PRDM16: variants seen among roughly 807,000 people sequenced by gnomAD.
The protein encoded by PRDM16 is PR/SET domain 16.
In PRDM16, 23 loss-of-function variants were observed where a neutral mutation model predicts 110.6. That is an observed-to-expected ratio of 0.21 (90% confidence interval 0.15 to 0.29). The LOEUF is 0.29. PRDM16 is among the 10% of genes least tolerant of loss of function. The pLI, the probability that PRDM16 is intolerant of heterozygous loss-of-function variation, is 1.00. For synonymous variants in PRDM16, 799 were observed against 781.8 expected (o/e 1.02, Z -0.37); for missense variants, 1,615 against 1,794.3 (o/e 0.90, Z 1.81).
At chr1:3,380,046 C>T (rs1643075075) in intron 3 of PRDM16, among the ~76,000 whole-genome samples, 1 of 145,564 alleles carries the variant, frequency 6.9e-6, no homozygotes, top group Admixed American at 6.8e-5. Context: ...CCTCCCAACA[C>T]ATTCATCCCA....
intron 12 of PRDM16, among the ~76,000 whole-genome samples, chr1:3,422,020 GCAGA>G (rs1034931528): frequency 5.3e-5 from 8 of 150,474 alleles, no homozygotes; most frequent in South Asian, 2.1e-4. Flanking sequence ...AGGCAGGAAG[GCAGA>G]CAGACAGGTA....
rs1200078453 is a variant in PRDM16, at chr1:3,245,719, CT to C, written c.438+1585del. Among the ~76,000 whole-genome samples the C allele has an allele frequency of 6.7e-6, 1 of 148,220 alleles. No individual in the cohort carries two copies. Among genetic ancestry groups the C allele is most frequent in the Non-Finnish European group, 1.5e-5 (1 of 67,452 alleles). Reference sequence around the variant, plus strand: ...TTTCCCTCTTTCTCCTTTCCTGCCTCTTTAAATGAGTTCACATTTTCTTAAA... The same window carrying C: ...TTTCCCTCTTTCTCCTTTCCTGCCTCTTAAATGAGTTCACATTTTCTTAAA... On this transcript the variant is annotated intron_variant, in intron 3 of 16. Transcript: ENST00000270722. This position sits in a 1 kb window ranked among gnomAD's most constrained non-coding sequence, Gnocchi z 4.7.
chr1:3,275,752 G>A (rs1640568591), intron 3 of PRDM16, among the ~76,000 whole-genome samples: 1 of 152,150 alleles, frequency 6.6e-6, no homozygotes, highest in African/African-American at 2.4e-5. Context: ...AGGGTGACGT[G>A]AGAACCACCA....
At chr1:3,386,648 C>G (rs1643205682) in intron 4 of PRDM16, 1 of 152,158 alleles carries the variant, frequency 6.6e-6, no homozygotes. Context: ...AAGAGCAGAA[C>G]TTAAAAAAAT....
At chr1:3,139,212 G>T (rs955683433) in intron 1 of PRDM16, among the ~76,000 whole-genome samples, 6 of 152,292 alleles carry the variant, frequency 3.9e-5, no homozygotes, top group Admixed American at 2.6e-4. Flanking sequence ...GCTCCACTTG[G>T]TGCCACCGGG....
intron 3 of PRDM16, among the ~76,000 whole-genome samples, chr1:3,349,653 G>A (rs928804043): frequency 1.2e-4 from 18 of 152,312 alleles, no homozygotes; most frequent in Non-Finnish European, 2.4e-4. Context: ...AGGGCCGCCC[G>A]TGAAAGCCAG....
At chr1:3,144,464 G>A (rs1350951911) in intron 1 of PRDM16, among the ~76,000 whole-genome samples, 2 of 152,152 alleles carry the variant, frequency 1.3e-5, no homozygotes, top group African/African-American at 4.8e-5. Flanking sequence ...GTCCCAGGCA[G>A]GGCGTATCCA....
Position 3,412,290 on chromosome 1 carries a change from C to T in PRDM16, c.2093C>T (p.Ser698Phe). The change falls in exon 9 of 17, where the codon TCC becomes TTC. Residue 698 changes from serine to phenylalanine, a missense_variant. Around this residue, in one of 5 missense-constraint regions of PRDM16, gnomAD observed 772 missense variants for 748.3 expected, o/e 1.03. Transcript: ENST00000270722. ...AAGDSIKAIA[S>F]IAEKYFGPGF... ...GGGGACTCCATCAAGGCCATCGCAT[C>T]CATTGCCGAGAAGTACTTTGGCCCC... 1 of 1,613,738 alleles carries T rather than the reference C, an allele frequency of 6.2e-7. No homozygotes were observed. The highest frequency in any genetic ancestry group is 8.5e-7 in the Non-Finnish European group (1 of 1,180,036).
chr1:3,212,617 G>GTGGTCCTCCCGCTC (rs1557532575), intron 2 of PRDM16, among the ~76,000 whole-genome samples: 2 of 145,960 alleles, frequency 1.4e-5, no homozygotes, highest in African/African-American at 5.1e-5. Context: ...CCCCCTCGCT[G>GTGGTCCTCCCGCTC]AGGTCCTCCC....
chr1:3,407,842 G>A (rs564884114), intron 8 of PRDM16, among the ~76,000 whole-genome samples: 129 of 152,324 alleles, frequency 8.5e-4, no homozygotes, highest in African/African-American at 3.0e-3. Context: ...GCCCCGCCTC[G>A]GCGACTCTTG....
chr1:3,396,609 CA>C lies in PRDM16; in HGVS notation c.676+19del. The C allele has an allele frequency of 7.3e-7, 1 of 1,361,910 alleles. No individual in the cohort carries two copies. The highest frequency in any genetic ancestry group is 1.0e-6 in the Non-Finnish European group (1 of 981,654). 84.4% of individuals were successfully genotyped at this position (1,361,910 alleles called of 1,614,324 possible). A position where few individuals can be genotyped will look rare whatever the true frequency, so the allele number is the denominator to read the frequency against. Reference sequence around the variant, plus strand: ...GGCCTGGACGGTAAGACCCCTCCCCCAAACCGGGCCACGGCCCCTGGGAGCC... The same window carrying C: ...GGCCTGGACGGTAAGACCCCTCCCCCAACCGGGCCACGGCCCCTGGGAGCC... On this transcript the variant is annotated intron_variant, in intron 5 of 16. Transcript: ENST00000270722.
At chr1:3,086,132 C>T (rs201807315) in intron 1 of PRDM16, among the ~76,000 whole-genome samples, 2 of 104,576 alleles carry the variant, frequency 1.9e-5, no homozygotes, top group African/African-American at 7.3e-5. Flanking sequence ...AGGTCTCTGT[C>T]TACACACTCC....
intron 1 of PRDM16, among the ~76,000 whole-genome samples, chr1:3,185,192 G>T (rs1256039391): frequency 6.6e-6 from 1 of 152,096 alleles, no homozygotes; most frequent in Non-Finnish European, 1.5e-5. Context: ...GGTGCCTCAG[G>T]CTACAATCTG....
At chr1:3,341,828 C>T (rs971366956) in intron 3 of PRDM16, among the ~76,000 whole-genome samples, 2 of 152,262 alleles carry the variant, frequency 1.3e-5, no homozygotes, top group Non-Finnish European at 1.5e-5. Flanking sequence ...TGTGGCCAGA[C>T]GGTGTTGCCT....
At chr1:3,187,754 T>C (rs1227547313) in intron 2 of PRDM16, among the ~76,000 whole-genome samples, 2 of 152,144 alleles carry the variant, frequency 1.3e-5, no homozygotes, top group Non-Finnish European at 2.9e-5. Flanking sequence ...CACAGAGTCC[T>C]GTGTGGCTCC....
rs541054251 is a variant in PRDM16 at position 3,178,120 on chromosome 1, TC to T, written c.38-8000del. 2.4e-3 allele frequency among the ~76,000 whole-genome samples: 360 copies of T among 152,060 alleles called. 3 individuals are homozygous for T. Among genetic ancestry groups the T allele is most frequent in the African/African-American group, 8.0e-3 (330 of 41,482 alleles). On this transcript the variant is annotated intron_variant, in intron 1 of 16. Transcript: ENST00000270722. ...GTTTGGCGAGCTGAGGAGTGGATCC[TC>T]CCCCTGCCAGCGATATTAGGGACGA...
Position 3,206,205 on chromosome 1 carries a change from G to A in PRDM16, c.387+19731G>A, listed in dbSNP as rs1239655769. The A allele has an allele frequency of 6.6e-6, 1 of 152,180 alleles. No individual in the cohort carries two copies. Among genetic ancestry groups the A allele is most frequent in the African/African-American group, 2.4e-5 (1 of 41,408 alleles). The allele number at this position is 152,180 out of a possible 1,614,324, so 9.4% of individuals were successfully genotyped here. On this transcript the variant is annotated intron_variant, in intron 2 of 16. Coordinates refer to ENST00000270722, the MANE Select transcript of PRDM16 (RefSeq NM_022114.4). This position sits in a 1 kb window ranked among gnomAD's most constrained non-coding sequence, Gnocchi z 4.9. ...ACCAACACCCCACACTAAGCCAGTG[G>A]CCCACACTGACCTGGCCAGGCCACT... is the stretch of plus-strand genomic sequence containing the variant.
intron 1 of PRDM16, among the ~76,000 whole-genome samples, chr1:3,098,071 C>A (rs1363123159): frequency 6.6e-6 from 1 of 152,162 alleles, no homozygotes; most frequent in Non-Finnish European, 1.5e-5. Flanking sequence ...CGCCCTTGTG[C>A]GGCTCCTTCC....
At chr1:3,356,176 C>T (rs549261949) in intron 3 of PRDM16, among the ~76,000 whole-genome samples, 8 of 152,360 alleles carry the variant, frequency 5.3e-5, no homozygotes, top group Admixed American at 2.0e-4. Flanking sequence ...CACGTCCTTT[C>T]GCACACCAGC....
Sources: gnomAD v4.1 joint callset for allele counts (sites outside exome capture counted in the v4.1 genomes callset) on GRCh38, gnomAD v4.1.1 for gene constraint, gnomAD v4.1.1 regional missense constraint, Gnocchi (gnomAD v3.1) non-coding constraint, MANE v1.5 for transcripts, NCBI Gene and HGNC (gene_info 2026-07-23, HGNC 2026-07-21) for gene names.